Variants in COL9A1 observed in about 807,000 individuals in gnomAD.
The protein encoded by COL9A1 is collagen type IX alpha 1 chain.
Under a neutral mutation model 142.6 loss-of-function variants are expected in COL9A1, and 104 were observed. That is an observed-to-expected ratio of 0.73 (90% CI 0.62 to 0.86). The LOEUF is 0.86. COL9A1 is among the 40% of genes least tolerant of loss of function. The probability of loss-of-function intolerance (pLI) is 0.00; values close to 1 mark genes in which losing one functional copy is unlikely to be tolerated. For missense variants in COL9A1, 1,210 were observed against 1,176.6 expected (o/e 1.03, Z -0.42); for synonymous variants, 466 against 396.0 (o/e 1.18, Z -2.10).
In COL9A1 at chr6:70,234,397, T is replaced by A. The variant is rs1053395661; in HGVS notation, c.2314+142A>T. 6.1e-6 allele frequency: 5 copies of A among 816,672 alleles called. No homozygotes were observed. In the African/African-American group the frequency reaches 8.5e-5, roughly 14 times the overall value. The allele number at this position is 816,672 out of a possible 1,614,324, so 50.6% of individuals were successfully genotyped here. A position where few individuals can be genotyped will look rare whatever the true frequency, so the allele number is the denominator to read the frequency against. ...GATGCCAATAGTTGGAAAAACAGAA[T>A]TGGCATTAATATTACCCTAAATGTC... On this transcript the variant is annotated intron_variant, in intron 35 of 37. Transcript: ENST00000357250.
At chr6:70,243,725 G>A (rs1445498905) in intron 28 of COL9A1, among the ~76,000 whole-genome samples, 1 of 152,012 alleles carries the variant, frequency 6.6e-6, no homozygotes, top group African/African-American at 2.4e-5. Flanking sequence ...ACCGGGTTTC[G>A]CCATATTGGC....
chr6:70,293,328 T>G (rs1015608313), intron 5 of COL9A1, among the ~76,000 whole-genome samples: 2 of 152,174 alleles, frequency 1.3e-5, no homozygotes, highest in Non-Finnish European at 2.9e-5. Flanking sequence ...AAACATCCTT[T>G]TAAAGCATTG....
chr6:70,295,435 C>A (rs1033297196), intron 4 of COL9A1, among the ~76,000 whole-genome samples: 1 of 151,548 alleles, frequency 6.6e-6, no homozygotes, highest in Non-Finnish European at 1.5e-5. Flanking sequence ...TACAGGCGCC[C>A]ACCATTATGC....
At chr6:70,255,491 C>T in intron 21 of COL9A1, 101 bp from the exon 22 acceptor site, 1 of 997,122 alleles carries the variant, frequency 1.0e-6, no homozygotes, top group East Asian at 2.4e-5. Context: ...TATTAGTCTT[C>T]CACCACAATG....
At chr6:70,259,318 A>G (rs528080) in intron 20 of COL9A1, among the ~76,000 whole-genome samples, 73,012 of 152,060 alleles carry the variant, frequency 0.48, 17,898 homozygotes, top group African/African-American at 0.53. Context: ...ACACCAATTA[A>G]CCATAGAAGT....
chr6:70,234,198 G>A (rs1769738490), intron 35 of COL9A1, among the ~76,000 whole-genome samples: 1 of 151,706 alleles, frequency 6.6e-6, no homozygotes, highest in South Asian at 2.1e-4. Flanking sequence ...CTTAAGGAGG[G>A]GAGAGACAAC....
At chr6:70,274,379 C>G (rs539009337) in intron 11 of COL9A1, among the ~76,000 whole-genome samples, 1 of 152,148 alleles carries the variant, frequency 6.6e-6, no homozygotes, top group African/African-American at 2.4e-5. Context: ...TATTTTCTGA[C>G]AGGCCCCTGT....
chr6:70,248,982 G>C (rs1387596734), intron 28 of COL9A1, among the ~76,000 whole-genome samples: 5 of 152,026 alleles, frequency 3.3e-5, no homozygotes, highest in Admixed American at 6.6e-5. Flanking sequence ...TTGAGCCAGA[G>C]AAATGAAGGA....
intron 10 of COL9A1, chr6:70,279,662 A>AAAAAAAAAC: frequency 5.8e-6 from 1 of 171,366 alleles, no homozygotes; most frequent in African/African-American, 2.4e-5. Context: ...AAAAAAAAAA[A>AAAAAAAAAC]AAAAAAAACA....
intron 1 of COL9A1, 64 bp downstream of exon 1, chr6:70,302,847 A>G: frequency 6.4e-7 from 1 of 1,565,640 alleles, no homozygotes; most frequent in South Asian, 1.1e-5. Flanking sequence ...AAAAATACAG[A>G]CCCTTGGTTC....
chr6:70,279,288 T>G (rs1246642256), intron 10 of COL9A1, among the ~76,000 whole-genome samples: 1 of 152,226 alleles, frequency 6.6e-6, no homozygotes, highest in Non-Finnish European at 1.5e-5. Context: ...TGCCAACAAG[T>G]TATATTATTT....
intron 4 of COL9A1, among the ~76,000 whole-genome samples, chr6:70,299,497 G>C (rs1773974662): frequency 6.6e-6 from 1 of 152,158 alleles, no homozygotes; most frequent in South Asian, 2.1e-4. Context: ...AAGAGCAAAA[G>C]GCTTAGTTCC....
chr6:70,223,687 G>A lies in COL9A1; in HGVS notation c.2581+2245C>T, dbSNP rs3806067. 1.3e-3 allele frequency among the ~76,000 whole-genome samples: 193 copies of A among 152,354 alleles called. 2 individuals are homozygous for A. The East Asian group carries it at 0.022, about 17-fold the overall frequency. On this transcript the variant is annotated intron_variant, in intron 37 of 37. Transcript: ENST00000357250. ...CTACACGAGGACACCGCGCCAAAGCGCAGAAAACGATCCACCAGCAGACCC... is the reference window on the plus strand; with the variant it reads ...CTACACGAGGACACCGCGCCAAAGCACAGAAAACGATCCACCAGCAGACCC...
chr6:70,260,942 A>G, intron 19 of COL9A1: 1 of 451,452 alleles, frequency 2.2e-6, no homozygotes, highest in Non-Finnish European at 3.9e-6. Context: ...ACTGGAGTTG[A>G]CAAAATCACT....
At chr6:70,260,051 G>C (rs1175692694) in intron 20 of COL9A1, among the ~76,000 whole-genome samples, 1 of 152,128 alleles carries the variant, frequency 6.6e-6, no homozygotes, top group African/African-American at 2.4e-5. Context: ...TCCAGGCACT[G>C]TGCCAGTGTT....
At chr6:70,242,186 T>A (rs1422942267) in intron 29 of COL9A1, 151 bp from the exon 30 acceptor site, 3 of 721,836 alleles carry the variant, frequency 4.2e-6, no homozygotes, top group Non-Finnish European at 5.0e-6. Context: ...CTCTCTTTCA[T>A]ATTCTCAGGA....
rs562336542 is a variant in COL9A1, at chr6:70,248,933, A to G, written c.1872+3187T>C. On this transcript the variant is annotated intron_variant, in intron 28 of 37. Transcript: ENST00000357250. ...ATAATTGAAATGTTTTCATGATGCAATTAACATTCCAATTACATCTGAGAT... is the reference window on the plus strand; with the variant it reads ...ATAATTGAAATGTTTTCATGATGCAGTTAACATTCCAATTACATCTGAGAT... Among the ~76,000 whole-genome samples, 110 of 152,304 alleles carry G rather than the reference A, an allele frequency of 7.2e-4. 1 individual carries two copies. Among genetic ancestry groups the G allele is most frequent in the African/African-American group, 2.5e-3 (105 of 41,560 alleles).
intron 37 of COL9A1, among the ~76,000 whole-genome samples, chr6:70,223,521 C>A (rs1176171118): frequency 2.6e-5 from 4 of 152,194 alleles, no homozygotes; most frequent in African/African-American, 9.7e-5. Context: ...CAGCCCACTT[C>A]CAGGTACTAG....
At chr6:70,270,543 G>C (rs1255066175) in intron 14 of COL9A1, among the ~76,000 whole-genome samples, 176 bp from the exon 15 acceptor site, 1 of 152,118 alleles carries the variant, frequency 6.6e-6, no homozygotes, top group Non-Finnish European at 1.5e-5. Flanking sequence ...TACAAAATGA[G>C]AGTAATAAAG....
Sources: allele counts gnomAD v4.1 joint callset (sites outside exome capture counted in the v4.1 genomes callset), GRCh38; gene constraint gnomAD v4.1.1; transcripts MANE v1.5; gene names NCBI Gene and HGNC (gene_info 2026-07-23, HGNC 2026-07-21).